The following PTPRN2 variants were observed in gnomAD, a reference collection of about 807,000 sequenced individuals.
The protein encoded by PTPRN2 is protein tyrosine phosphatase receptor type N2, also known as receptor-type tyrosine-protein phosphatase N2.
In PTPRN2, 74 loss-of-function variants were observed where a neutral mutation model predicts 118.8. The observed-to-expected ratio is 0.62, with a 90% CI of 0.52 to 0.76. PTPRN2 has a LOEUF of 0.76. Ranked by LOEUF, PTPRN2 falls within the 30% of genes least tolerant of loss-of-function variation. The pLI is 0.00. For synonymous variants in PTPRN2, 641 were observed against 608.0 expected (o/e 1.05, Z -0.80); for missense variants, 1,481 against 1,394.4 (o/e 1.06, Z -0.99).
At position 158,333,418 on chromosome 7, in the gene PTPRN2, A is replaced by ATTCGCACCATAAGAGGTGACAC. The variant is rs1804900926; in HGVS notation, c.164-16487_164-16486insGTGTCACCTCTTATGGTGCGAA. Among the ~76,000 whole-genome samples the ATTCGCACCATAAGAGGTGACAC allele has an allele frequency of 1.5e-4, 21 of 144,014 alleles. 1 individual carries two copies. The highest frequency in any genetic ancestry group is 2.2e-4 in the South Asian group (1 of 4,640). The allele number at this position is 144,014 out of a possible 152,430, so 94.5% of individuals were successfully genotyped here. The stretch of plus-strand genomic sequence containing the variant: ...ACCTGCAGACGTCACTCACACCCAC[A>ATTCGCACCATAAGAGGTGACAC]CTGTCACCATAAGAGGTGACACCTG... On this transcript the variant is annotated intron_variant, in intron 2 of 22. Coordinates refer to ENST00000389418, the MANE Select transcript of PTPRN2 (RefSeq NM_002847.5).
chr7:157,736,555 C>T (rs10282145), intron 12 of PTPRN2, among the ~76,000 whole-genome samples: 3,952 of 152,134 alleles, frequency 0.026, 144 homozygotes, highest in African/African-American at 0.087. Flanking sequence ...CCACCCCCGC[C>T]GCCCCCCACA....
chr7:157,875,161 C>T (rs552906762), intron 12 of PTPRN2, among the ~76,000 whole-genome samples: 6 of 152,318 alleles, frequency 3.9e-5, no homozygotes, highest in African/African-American at 1.4e-4. Flanking sequence ...CAGGCTGTGT[C>T]GGGGTCACCT....
intron 12 of PTPRN2, among the ~76,000 whole-genome samples, chr7:157,710,117 G>A (rs1168774670): frequency 6.6e-6 from 1 of 152,144 alleles, no homozygotes; most frequent in African/African-American, 2.4e-5. Flanking sequence ...ACAGTTTCAG[G>A]AAGCATCCAC....
intron 15 of PTPRN2, chr7:157,614,069 C>T (rs1481299588): frequency 4.2e-6 from 2 of 471,064 alleles, no homozygotes; most frequent in Admixed American, 4.7e-5. Context: ...ACTGCTCAAC[C>T]GGCCAATCAG....
At chr7:158,005,840 C>T (rs12113711) in intron 11 of PTPRN2, among the ~76,000 whole-genome samples, 24,559 of 152,188 alleles carry the variant, frequency 0.16, 2,083 homozygotes, top group African/African-American at 0.19. Flanking sequence ...CAGTACACTG[C>T]GTCTAAAATG....
At chr7:157,799,084 T>C (rs768861471) in intron 12 of PTPRN2, among the ~76,000 whole-genome samples, 5 of 152,174 alleles carry the variant, frequency 3.3e-5, no homozygotes, top group Non-Finnish European at 7.4e-5. Flanking sequence ...CCTTCAGACA[T>C]GACAACCCCA....
At chr7:158,566,774 G>C (rs1233696655) in intron 1 of PTPRN2, among the ~76,000 whole-genome samples, 1 of 152,160 alleles carries the variant, frequency 6.6e-6, no homozygotes, top group African/African-American at 2.4e-5. Context: ...GGAGTGCAGT[G>C]GCACAATCTC....
At chr7:157,912,956 C>A (rs1195509819) in intron 11 of PTPRN2, among the ~76,000 whole-genome samples, 1 of 152,168 alleles carries the variant, frequency 6.6e-6, no homozygotes, top group African/African-American at 2.4e-5. Context: ...ATTTTGGAAT[C>A]AGCTTGTCAC....
intron 2 of PTPRN2, among the ~76,000 whole-genome samples, chr7:158,434,643 T>C (rs568369450): frequency 1.2e-3 from 180 of 152,324 alleles, no homozygotes; most frequent in Middle Eastern, 3.4e-3. Context: ...TTATTTACAA[T>C]GAAATTACTA....
chr7:158,150,676 T>G (rs1487957833), intron 6 of PTPRN2, among the ~76,000 whole-genome samples: 1 of 152,022 alleles, frequency 6.6e-6, no homozygotes, highest in Non-Finnish European at 1.5e-5. Flanking sequence ...GGGGGGTCAC[T>G]GAGGTGAGAT....
intron 12 of PTPRN2, among the ~76,000 whole-genome samples, chr7:157,827,562 T>C (rs1484268582): frequency 6.6e-6 from 1 of 152,232 alleles, no homozygotes; most frequent in Non-Finnish European, 1.5e-5. Flanking sequence ...AATTCACTTA[T>C]TTCCCCCATG....
At chr7:158,340,549 G>A (rs560535806) in intron 2 of PTPRN2, among the ~76,000 whole-genome samples, 29 of 107,420 alleles carry the variant, frequency 2.7e-4, no homozygotes, top group African/African-American at 9.5e-4. Flanking sequence ...CGCCCGCAGA[G>A]GTCACTCACA....
chr7:157,963,686 C>T (rs1182769647), intron 11 of PTPRN2, among the ~76,000 whole-genome samples: 1 of 152,208 alleles, frequency 6.6e-6, no homozygotes, highest in Non-Finnish European at 1.5e-5. Context: ...TGGTCATGCC[C>T]TCACCCCATC....
At position 158,003,196 on chromosome 7, in the gene PTPRN2, C is replaced by T. The variant is rs1451794761; in HGVS notation, c.1723+78102G>A. On this transcript the variant is annotated intron_variant, in intron 11 of 22. Coordinates refer to ENST00000389418, the MANE Select transcript of PTPRN2 (RefSeq NM_002847.5). The surrounding 1 kb of genome is among the most constrained non-coding windows in gnomAD (Gnocchi z 5.0). ...TTGGGAGGCCGAGACGGGCGGATCA[C>T]GAGGTCAGGAGATCGAGACCATCTT... is the stretch of plus-strand genomic sequence containing the variant. 3.3e-5 allele frequency among the ~76,000 whole-genome samples: 5 copies of T among 151,878 alleles called. No individual in the cohort carries two copies. Among genetic ancestry groups the T allele is most frequent in the Non-Finnish European group, 7.4e-5 (5 of 67,970 alleles).
chr7:158,513,084 A>G (rs10949729), intron 1 of PTPRN2, among the ~76,000 whole-genome samples: 28,374 of 152,152 alleles, frequency 0.19, 3,130 homozygotes, highest in East Asian at 0.39. Flanking sequence ...CAGCAGGGAA[A>G]GAGGGAAGCG....
At chr7:157,885,966 C>T (rs1796428199) in intron 12 of PTPRN2, among the ~76,000 whole-genome samples, 1 of 152,216 alleles carries the variant, frequency 6.6e-6, no homozygotes, top group Admixed American at 6.5e-5. Context: ...CTGTTGCTGC[C>T]ACTGTGCTGC....
intron 11 of PTPRN2, among the ~76,000 whole-genome samples, chr7:158,012,809 T>C (rs1191240071): frequency 1.3e-5 from 2 of 152,140 alleles, no homozygotes; most frequent in Admixed American, 1.3e-4. Context: ...TACCTAACCT[T>C]CTAGCTGAGA....
chr7:158,175,660 T>A (rs1256745842), intron 5 of PTPRN2, among the ~76,000 whole-genome samples: 1 of 152,158 alleles, frequency 6.6e-6, no homozygotes, highest in Non-Finnish European at 1.5e-5. Context: ...CACGAGCGTA[T>A]ACGGTGCTAT....
At chr7:158,331,484 C>T (rs1275750834) in intron 2 of PTPRN2, among the ~76,000 whole-genome samples, 2 of 148,690 alleles carry the variant, frequency 1.3e-5, no homozygotes, top group African/African-American at 5.1e-5. Context: ...CTCACACCCA[C>T]ACTCTCACCA....
Sources: allele counts gnomAD v4.1 joint callset (sites outside exome capture counted in the v4.1 genomes callset), GRCh38; gene constraint gnomAD v4.1.1; non-coding constraint Gnocchi (gnomAD v3.1); transcripts MANE v1.5; gene names NCBI Gene and HGNC (gene_info 2026-07-23, HGNC 2026-07-21).